SLC35F4: variants seen among roughly 807,000 people sequenced by gnomAD.
SLC35F4 encodes the protein chromosome 14 open reading frame 36.
A neutral mutation model predicts 44.2 loss-of-function variants in SLC35F4; 24 were observed. The observed-to-expected ratio is 0.54, with a 90% CI of 0.39 to 0.76. The LOEUF (loss-of-function observed/expected upper bound fraction) is 0.76, where lower values mean the gene tolerates loss of function less well. SLC35F4 is among the 30% of genes least tolerant of loss of function. The pLI is 0.00. For synonymous variants in SLC35F4, 238 were observed against 223.6 expected, an observed-to-expected ratio of 1.06 and a Z score of -0.57; for missense variants, 562 against 586.1, an observed-to-expected ratio of 0.96 and a Z score of 0.42.
At chr14:57,785,372 G>A (rs1466064955) in intron 1 of SLC35F4, among the ~76,000 whole-genome samples, 2 of 152,132 alleles carry the variant, frequency 1.3e-5, no homozygotes, top group Non-Finnish European at 2.9e-5. Flanking sequence ...TGCTTCCCCT[G>A]ACAATGAAAT....
intron 1 of SLC35F4, among the ~76,000 whole-genome samples, chr14:57,653,368 TA>T (rs1341927793): frequency 6.6e-6 from 1 of 152,096 alleles, no homozygotes; most frequent in Non-Finnish European, 1.5e-5. Context: ...AAGACCCAGG[TA>T]AAACCAAGGA....
chr14:57,599,961 A>T (rs893181671), intron 1 of SLC35F4, among the ~76,000 whole-genome samples: 4 of 152,152 alleles, frequency 2.6e-5, no homozygotes, highest in Non-Finnish European at 5.9e-5. Context: ...TTGGTTAATA[A>T]GCCAAAGCCA....
At position 57,581,213 on chromosome 14, in the gene SLC35F4, C is replaced by A; in HGVS notation, c.807+1G>T. ...GCGCATTGAATCAAGTATGCCATTA[C>A]CCTCACTCCCATGAACCTGTCTTTC... On this transcript the variant is annotated splice_donor_variant, in intron 4 of 7. Coordinates refer to ENST00000556826, the MANE Select transcript of SLC35F4 (RefSeq NM_001306087.2). LOFTEE classifies it high-confidence loss of function. 6.4e-7 allele frequency: 1 copy of A among 1,550,712 alleles called. No homozygotes were observed. Among genetic ancestry groups the A allele is most frequent in the East Asian group, 2.3e-5 (1 of 43,888 alleles).
At chr14:57,744,934 C>T (rs549496738) in intron 1 of SLC35F4, among the ~76,000 whole-genome samples, 1 of 152,132 alleles carries the variant, frequency 6.6e-6, no homozygotes, top group Non-Finnish European at 1.5e-5. Flanking sequence ...AGAAATAATA[C>T]CACACATCTA....
At chr14:57,649,682 T>C (rs1387753591) in intron 1 of SLC35F4, among the ~76,000 whole-genome samples, 3 of 152,158 alleles carry the variant, frequency 2.0e-5, no homozygotes, top group Non-Finnish European at 2.9e-5. Context: ...ATGGGCCATA[T>C]CTATTTTTCT....
chr14:57,612,722 C>T (rs1264004257), intron 1 of SLC35F4, among the ~76,000 whole-genome samples: 1 of 152,190 alleles, frequency 6.6e-6, no homozygotes, highest in African/African-American at 2.4e-5. Flanking sequence ...TGTTCAGTAA[C>T]TTTAATGTGC....
intron 1 of SLC35F4, among the ~76,000 whole-genome samples, chr14:57,738,333 A>C (rs559816060): frequency 6.6e-6 from 1 of 152,166 alleles, no homozygotes; most frequent in Non-Finnish European, 1.5e-5. Flanking sequence ...TATGACTGCT[A>C]AGACACGCTT....
At chr14:57,593,106 CAG>C (rs1286243347) in intron 2 of SLC35F4, among the ~76,000 whole-genome samples, 1 of 152,198 alleles carries the variant, frequency 6.6e-6, no homozygotes, top group African/African-American at 2.4e-5. Flanking sequence ...AACAAAAGCA[CAG>C]AGACATTCTG....
chr14:57,941,275 T>C (rs1263357218), intron 1 of SLC35F4, among the ~76,000 whole-genome samples: 1 of 152,172 alleles, frequency 6.6e-6, no homozygotes, highest in Non-Finnish European at 1.5e-5. Flanking sequence ...TAGCCAAAGA[T>C]GGAAAAATCC....
intron 1 of SLC35F4, among the ~76,000 whole-genome samples, chr14:57,907,185 CA>C (rs1158999908): frequency 6.6e-6 from 1 of 152,130 alleles, no homozygotes. Flanking sequence ...CTCCTGGACT[CA>C]AGTGATGATC....
intron 1 of SLC35F4, among the ~76,000 whole-genome samples, chr14:57,942,540 C>A (rs1344890640): frequency 1.3e-5 from 2 of 152,096 alleles, no homozygotes. Context: ...GGAATGAAGA[C>A]TGGATTCTGT....
chr14:57,621,744 G>T (rs1226727696), intron 1 of SLC35F4, among the ~76,000 whole-genome samples: 1 of 151,346 alleles, frequency 6.6e-6, no homozygotes, highest in East Asian at 1.9e-4. Context: ...TACCATTCAG[G>T]ACACAGGCAT....
chr14:57,756,261 A>AT (rs1566826487), intron 1 of SLC35F4, among the ~76,000 whole-genome samples: 1 of 152,156 alleles, frequency 6.6e-6, no homozygotes, highest in Non-Finnish European at 1.5e-5. Flanking sequence ...TTTTGGTGGT[A>AT]TTTTCCTTCA....
intron 1 of SLC35F4, among the ~76,000 whole-genome samples, chr14:57,612,125 C>T (rs2071546540): frequency 6.6e-6 from 1 of 152,168 alleles, no homozygotes; most frequent in East Asian, 1.9e-4. Flanking sequence ...GTGGTTCACA[C>T]CTATAACCCC....
chr14:57,621,413 A>G (rs1215075000), intron 1 of SLC35F4, among the ~76,000 whole-genome samples: 1 of 152,102 alleles, frequency 6.6e-6, no homozygotes, highest in East Asian at 1.9e-4. Context: ...CCTGACTTCA[A>G]ACTACACTAC....
intron 1 of SLC35F4, among the ~76,000 whole-genome samples, chr14:57,667,331 GTTGTTGT>G (rs1012424451): frequency 6.7e-6 from 1 of 149,456 alleles, no homozygotes; most frequent in Non-Finnish European, 1.5e-5. Flanking sequence ...CTTTTTTGTT[GTTGTTGT>G]TTATTTATTT....
intron 1 of SLC35F4, among the ~76,000 whole-genome samples, chr14:57,652,312 G>A (rs952288389): frequency 1.3e-5 from 2 of 152,196 alleles, no homozygotes; most frequent in Non-Finnish European, 2.9e-5. Context: ...AGCTTTCTGA[G>A]CTCTTTCTTG....
At chr14:57,755,755 A>C (rs1594971128) in intron 1 of SLC35F4, among the ~76,000 whole-genome samples, 1 of 152,284 alleles carries the variant, frequency 6.6e-6, no homozygotes, top group Middle Eastern at 3.4e-3. Flanking sequence ...TTTCACAAAC[A>C]TTGTCTTATT....
intron 1 of SLC35F4, among the ~76,000 whole-genome samples, chr14:57,645,289 T>C (rs1195781694): frequency 2.6e-5 from 4 of 152,212 alleles, no homozygotes; most frequent in African/African-American, 9.6e-5. Flanking sequence ...TATCCTCTTT[T>C]ATTTCATTGA....
Sources: gnomAD v4.1 joint callset for allele counts (sites outside exome capture counted in the v4.1 genomes callset) on GRCh38, gnomAD v4.1.1 for gene constraint, MANE v1.5 for transcripts, NCBI Gene and HGNC (gene_info 2026-07-23, HGNC 2026-07-21) for gene names.